Variants in VPS35L observed in about 807,000 individuals in gnomAD.
VPS35L encodes the protein VPS35 endosomal protein sorting factor like.
VPS35L carries 83 observed loss-of-function variants against 133.0 expected under a neutral mutation model. That is an observed-to-expected ratio of 0.62 (90% CI 0.52 to 0.75). The LOEUF (loss-of-function observed/expected upper bound fraction) is 0.75. Ranked by LOEUF, VPS35L falls within the 30% of genes least tolerant of loss-of-function variation. The probability of loss-of-function intolerance (pLI) is 0.00; values close to 1 mark genes in which losing one functional copy is unlikely to be tolerated. For missense variants in VPS35L, 1,083 were observed against 1,206.8 expected (o/e 0.90, Z 1.52); for synonymous variants, 423 against 449.9 (o/e 0.94, Z 0.76).
chr16:19,654,126 G>C (rs532587488), intron 26 of VPS35L, among the ~76,000 whole-genome samples: 1 of 152,160 alleles, frequency 6.6e-6, no homozygotes, highest in Admixed American at 6.6e-5. Context: ...TCTTTCCCCA[G>C]ATAGTTGTAT....
chr16:19,692,624 C>T lies in VPS35L; in HGVS notation c.2646+1153C>T, dbSNP rs145414247. ...TGTTGCCCAGGCTGGAGTGCAATGGCATGATCTTAGCTCACTGCAACCTCC... is the reference window on the plus strand; with the variant it reads ...TGTTGCCCAGGCTGGAGTGCAATGGTATGATCTTAGCTCACTGCAACCTCC... On this transcript the variant is annotated intron_variant, in intron 29 of 30. Transcript: ENST00000417362. 5.5e-4 allele frequency among the ~76,000 whole-genome samples: 84 copies of T among 152,236 alleles called. 1 individual carries two copies. The East Asian group carries it at 0.015, about 27-fold the overall frequency.
intron 18 of VPS35L, among the ~76,000 whole-genome samples, chr16:19,631,838 G>A (rs1427748475): frequency 6.6e-6 from 1 of 150,526 alleles, no homozygotes; most frequent in Non-Finnish European, 1.5e-5. Flanking sequence ...CCTCCCGAGT[G>A]GCTGGGACCA....
chr16:19,605,469 C>G (rs749309098), intron 9 of VPS35L, among the ~76,000 whole-genome samples: 4 of 152,194 alleles, frequency 2.6e-5, no homozygotes, highest in Non-Finnish European at 5.9e-5. Context: ...TCTCAAACTC[C>G]TCACCAAGGC....
At chr16:19,625,690 T>C (rs1973238327) in intron 14 of VPS35L, among the ~76,000 whole-genome samples, 1 of 152,090 alleles carries the variant, frequency 6.6e-6, no homozygotes. Flanking sequence ...AGTTGATTGA[T>C]TGAGACAGGG....
Position 19,599,192 on chromosome 16 carries a change from A to G in VPS35L, c.725-2472A>G, listed in dbSNP as rs111429620. On this transcript the variant is annotated intron_variant, in intron 8 of 30. Coordinates refer to ENST00000417362, the MANE Select transcript of VPS35L (RefSeq NM_020314.7). ...AGTGGTTTGGAGCAGTGCTTCTCATACTCAGCTGCACATTGAAATCACCTG... is the reference window on the plus strand; with the variant it reads ...AGTGGTTTGGAGCAGTGCTTCTCATGCTCAGCTGCACATTGAAATCACCTG... 8.5e-4 allele frequency among the ~76,000 whole-genome samples: 130 copies of G among 152,312 alleles called. 1 individual carries two copies. The highest frequency in any genetic ancestry group is 3.0e-3 in the African/African-American group (125 of 41,564).
At position 19,644,933 on chromosome 16, in the gene VPS35L, A is replaced by C; in HGVS notation, c.1913A>C (p.Asn638Thr). 1 of 1,598,562 alleles carries C rather than the reference A, an allele frequency of 6.3e-7. No homozygotes were observed. The highest frequency in any genetic ancestry group is 8.6e-7 in the Non-Finnish European group (1 of 1,166,848). ...DEKRMLSYLI[N>T]GFIKMVSFGR... ...AAAAGAATGCTGTCATATTTGATTA[A>C]TGGATTTATAAAAATGGTAAGTATT... Residue 638 changes from asparagine to threonine, a missense_variant, in exon 23 of 31, where the codon AAT (asparagine) becomes ACT (threonine). Physicochemically the swap from Asn to Thr is moderately conservative, Grantham distance 65. Coordinates refer to ENST00000417362, the MANE Select transcript of VPS35L (RefSeq NM_020314.7).
chr16:19,680,808 G>A (rs1975244747), intron 27 of VPS35L, among the ~76,000 whole-genome samples: 1 of 152,048 alleles, frequency 6.6e-6, no homozygotes, highest in Admixed American at 6.5e-5. Flanking sequence ...ACCTCAGGAG[G>A]CTGAGGTGGA....
chr16:19,610,185 T>C (rs1972665644), intron 11 of VPS35L, 137 bp from the exon 12 acceptor site: 1 of 653,524 alleles, frequency 1.5e-6, no homozygotes. Flanking sequence ...ACTGAAACTT[T>C]GACCTTGGTT....
intron 14 of VPS35L, among the ~76,000 whole-genome samples, chr16:19,624,107 C>CTTTTTTT (rs1182015325): frequency 1.5e-5 from 1 of 65,842 alleles, no homozygotes; most frequent in Non-Finnish European, 2.8e-5. Flanking sequence ...CCTACCAGGT[C>CTTTTTTT]TTTTTTTTTT....
At position 19,598,692 on chromosome 16, in the gene VPS35L, G is replaced by A. The variant is rs979315859; in HGVS notation, c.725-2972G>A. ...CCAGCTACTCAGGAGGCAGAGGTGGGAGGAGCCCCTGAGCCCAGGAAGTTG... is the reference window on the plus strand; with the variant it reads ...CCAGCTACTCAGGAGGCAGAGGTGGAAGGAGCCCCTGAGCCCAGGAAGTTG... On this transcript the variant is annotated intron_variant, in intron 8 of 30. Coordinates refer to ENST00000417362, the MANE Select transcript of VPS35L (RefSeq NM_020314.7). Among the ~76,000 whole-genome samples the A allele has an allele frequency of 2.6e-5, 4 of 152,090 alleles. No homozygotes were observed. In the East Asian group the frequency reaches 7.8e-4, roughly 30 times the overall value.
At chr16:19,647,704 A>T in intron 23 of VPS35L, 80 bp from the exon 24 acceptor site, 1 of 1,079,418 alleles carries the variant, frequency 9.3e-7, no homozygotes, top group South Asian at 1.3e-5. Context: ...TGGCAATAAT[A>T]ATATTTCAGT....
At chr16:19,629,947 C>T in intron 18 of VPS35L, 127 bp downstream of exon 18, 2 of 817,872 alleles carry the variant, frequency 2.4e-6, no homozygotes, top group Non-Finnish European at 4.0e-6. Context: ...ATAAAAATTG[C>T]ATTCTTCATA....
intron 26 of VPS35L, among the ~76,000 whole-genome samples, chr16:19,662,212 T>A (rs1471179010): frequency 6.6e-6 from 1 of 151,622 alleles, no homozygotes; most frequent in Non-Finnish European, 1.5e-5. Context: ...CAAAAAATAA[T>A]AATAAAAATA....
At position 19,649,216 on chromosome 16, in the gene VPS35L, C is replaced by T. The variant is rs561996550; in HGVS notation, c.2029-1166C>T. ...ATGTTGGCCAGGCTGGTCTTGAACTCTTAACCTAAGGTGATCCACCTGCCT... is the reference window on the plus strand; with the variant it reads ...ATGTTGGCCAGGCTGGTCTTGAACTTTTAACCTAAGGTGATCCACCTGCCT... On this transcript the variant is annotated intron_variant, in intron 24 of 30. Transcript: ENST00000417362. Among the ~76,000 whole-genome samples, 3 of 152,208 alleles carry T rather than the reference C, an allele frequency of 2.0e-5. No individual in the cohort carries two copies. In the South Asian group the frequency reaches 6.2e-4, roughly 32 times the overall value.
intron 24 of VPS35L, among the ~76,000 whole-genome samples, chr16:19,648,649 C>G (rs1259122945): frequency 6.6e-6 from 1 of 152,088 alleles, no homozygotes; most frequent in African/African-American, 2.4e-5. Context: ...TAGCAGATCA[C>G]TTGAGGTCAG....
At chr16:19,676,575 T>C (rs1370692019) in intron 27 of VPS35L, among the ~76,000 whole-genome samples, 2 of 152,156 alleles carry the variant, frequency 1.3e-5, no homozygotes, top group Admixed American at 6.6e-5. Flanking sequence ...TTTGATACAG[T>C]TGCAATTTGC....
intron 9 of VPS35L, among the ~76,000 whole-genome samples, chr16:19,603,739 A>T (rs770420803): frequency 6.6e-6 from 1 of 151,952 alleles, no homozygotes. Flanking sequence ...TTATTTATTT[A>T]TTTATTTTTG....
At chr16:19,598,730 G>A (rs1400502219) in intron 8 of VPS35L, among the ~76,000 whole-genome samples, 1 of 151,842 alleles carries the variant, frequency 6.6e-6, no homozygotes, top group Non-Finnish European at 1.5e-5. Context: ...GCTGCAGTGA[G>A]CTGTGATTGC....
intron 8 of VPS35L, among the ~76,000 whole-genome samples, chr16:19,598,015 A>G (rs1164077256): frequency 6.6e-6 from 1 of 152,122 alleles, no homozygotes. Flanking sequence ...TGGCATGCAC[A>G]GTGGGAAGAC....
Sources: gnomAD v4.1 joint callset for allele counts (sites outside exome capture counted in the v4.1 genomes callset) on GRCh38, gnomAD v4.1.1 for gene constraint, MANE v1.5 for transcripts, NCBI Gene and HGNC (gene_info 2026-07-23, HGNC 2026-07-21) for gene names.